The following DNER variants were observed in gnomAD, a reference collection of about 807,000 sequenced individuals.
The protein encoded by DNER is delta and Notch-like epidermal growth factor-related receptor.
DNER carries 33 observed loss-of-function variants against 78.2 expected under a neutral mutation model. The ratio of observed to expected loss-of-function variants is 0.42; its 90% CI spans 0.32 to 0.56. DNER has a LOEUF of 0.56. Among genes scored for constraint, DNER ranks in the 20% least tolerant of loss-of-function variants. The probability of loss-of-function intolerance (pLI) is 0.11; values close to 1 mark genes in which losing one functional copy is unlikely to be tolerated. For synonymous variants in DNER, 417 were observed against 384.8 expected, an observed-to-expected ratio of 1.08 and a Z score of -0.98; for missense variants, 918 against 975.3, an observed-to-expected ratio of 0.94 and a Z score of 0.78.
chr2:229,609,304 C>T (rs1005322943), intron 1 of DNER, among the ~76,000 whole-genome samples: 1 of 152,168 alleles, frequency 6.6e-6, no homozygotes, highest in Admixed American at 6.6e-5. Context: ...CAGGGGCTGG[C>T]AAATTCTGAC....
rs1042533975 is a variant in DNER, at chr2:229,399,991, T to G, written c.1723+7241A>C. On this transcript the variant is annotated intron_variant, in intron 10 of 12. Coordinates refer to ENST00000341772, the MANE Select transcript of DNER (RefSeq NM_139072.4). ...AATGGGTAGGATTGATAAGACTAAA[T>G]GCAAAATAAGTGGTACATAAACACA... Among the ~76,000 whole-genome samples the G allele has an allele frequency of 6.6e-5, 10 of 152,034 alleles. No individual in the cohort carries two copies. In the South Asian group the frequency reaches 1.5e-3, roughly 22 times the overall value.
intron 1 of DNER, among the ~76,000 whole-genome samples, chr2:229,652,332 G>A (rs139049055): frequency 4.4e-4 from 67 of 152,260 alleles, no homozygotes; most frequent in Middle Eastern, 3.4e-3. Context: ...ATCCCCACCT[G>A]ACAGATTTAT....
At chr2:229,440,276 G>A (rs1391402277) in intron 8 of DNER, among the ~76,000 whole-genome samples, 1 of 152,146 alleles carries the variant, frequency 6.6e-6, no homozygotes, top group East Asian at 1.9e-4. Flanking sequence ...GATGAAGATG[G>A]AGAATGGCTG....
rs80198153 is a variant in DNER at position 229,567,117 on chromosome 2, A to T, written c.847+18741T>A. Among the ~76,000 whole-genome samples the T allele has an allele frequency of 9.2e-5, 14 of 152,372 alleles. No homozygotes were observed. The East Asian group carries it at 2.7e-3, about 29-fold the overall frequency. On this transcript the variant is annotated intron_variant, in intron 4 of 12. Transcript: ENST00000341772. ...CACAAGCAGTTCCAACCTTCTGCCT[A>T]CAAGGGGTTTTCCCCATTGCCTAGT...
chr2:229,548,891 G>T (rs28615095), intron 4 of DNER, among the ~76,000 whole-genome samples: 102 of 152,142 alleles, frequency 6.7e-4, no homozygotes, highest in African/African-American at 2.2e-3. Flanking sequence ...AACTTTACCC[G>T]ATTTTAAATT....
intron 1 of DNER, among the ~76,000 whole-genome samples, chr2:229,605,093 G>A (rs56823895): frequency 0.016 from 2,429 of 152,030 alleles, 67 homozygotes; most frequent in African/African-American, 0.056. Context: ...GAGGACCTTC[G>A]TAGTTATGAA....
chr2:229,561,638 T>C (rs1466352630), intron 4 of DNER, among the ~76,000 whole-genome samples: 4 of 152,208 alleles, frequency 2.6e-5, no homozygotes, highest in Non-Finnish European at 5.9e-5. Context: ...TAAAGTGTTA[T>C]TAGCCACCGT....
intron 1 of DNER, among the ~76,000 whole-genome samples, chr2:229,629,518 A>T (rs556604337): frequency 6.6e-6 from 1 of 152,300 alleles, no homozygotes; most frequent in Admixed American, 6.5e-5. Context: ...TAGCAACTCC[A>T]GGGTGCCAGT....
intron 10 of DNER, among the ~76,000 whole-genome samples, chr2:229,403,762 G>A (rs1458519912): frequency 6.6e-6 from 1 of 151,968 alleles, no homozygotes; most frequent in Non-Finnish European, 1.5e-5. Context: ...AGGGGTAAAG[G>A]GATGAGCAGA....
At chr2:229,599,136 G>A (rs758153845) in intron 1 of DNER, among the ~76,000 whole-genome samples, 1 of 152,090 alleles carries the variant, frequency 6.6e-6, no homozygotes, top group African/African-American at 2.4e-5. Context: ...CCAGCACGAC[G>A]CTGGCCACAG....
chr2:229,588,326 G>A, intron 3 of DNER, 68 bp downstream of exon 3: 1 of 1,468,966 alleles, frequency 6.8e-7, no homozygotes. Flanking sequence ...CAGGTCCGCG[G>A]ATGGACACAA....
chr2:229,378,624 CT>C (rs1217720848), intron 11 of DNER, among the ~76,000 whole-genome samples: 1 of 152,214 alleles, frequency 6.6e-6, no homozygotes, highest in Non-Finnish European at 1.5e-5. Flanking sequence ...CCATGGTTCT[CT>C]GTGTACATCT....
intron 11 of DNER, among the ~76,000 whole-genome samples, chr2:229,385,726 C>T (rs556510471): frequency 3.3e-5 from 5 of 151,788 alleles, no homozygotes; most frequent in East Asian, 3.9e-4. Context: ...TTCACAATTG[C>T]GACAGAGAAT....
Position 229,714,515 on chromosome 2 carries a change from C to G in DNER, c.-92G>C. ...ACGAGAGCTGCGAGAGCGACGGTGG[C>G]GGCTAGGGCTGCTCCGCCGGGCCGG... On this transcript the variant is annotated 5_prime_UTR_variant, in exon 1 of 13. Transcript: ENST00000341772. 2.9e-6 allele frequency: 3 copies of G among 1,052,410 alleles called. No individual in the cohort carries two copies. The South Asian group carries it at 1.3e-4, about 46-fold the overall frequency. 65.2% of individuals were successfully genotyped at this position (1,052,410 alleles called of 1,614,324 possible).
At chr2:229,432,016 T>C (rs2106355523) in intron 8 of DNER, among the ~76,000 whole-genome samples, 1 of 152,344 alleles carries the variant, frequency 6.6e-6, no homozygotes, top group African/African-American at 2.4e-5. Context: ...CCTATTTTTC[T>C]TACTTTTTAT....
At chr2:229,429,052 T>G (rs1250800832) in intron 8 of DNER, among the ~76,000 whole-genome samples, 1 of 152,172 alleles carries the variant, frequency 6.6e-6, no homozygotes, top group Non-Finnish European at 1.5e-5. Flanking sequence ...TGTGGGCCCC[T>G]GCAGAGTGAT....
intron 8 of DNER, among the ~76,000 whole-genome samples, chr2:229,441,642 C>A (rs1408466718): frequency 6.6e-6 from 1 of 152,208 alleles, no homozygotes; most frequent in African/African-American, 2.4e-5. Context: ...ACATATGTGA[C>A]ACTAAGAACT....
At chr2:229,670,752 A>G (rs1699192749) in intron 1 of DNER, among the ~76,000 whole-genome samples, 1 of 152,226 alleles carries the variant, frequency 6.6e-6, no homozygotes, top group Non-Finnish European at 1.5e-5. Context: ...CACTCCGTCC[A>G]TAGAGTAGCC....
intron 7 of DNER, among the ~76,000 whole-genome samples, chr2:229,448,882 C>T (rs1180335168): frequency 1.3e-5 from 2 of 152,094 alleles, no homozygotes; most frequent in African/African-American, 4.8e-5. Context: ...TTTCTATTTA[C>T]TCATCTTCTT....
Sources: allele counts gnomAD v4.1 joint callset (sites outside exome capture counted in the v4.1 genomes callset), GRCh38; gene constraint gnomAD v4.1.1; transcripts MANE v1.5; gene names NCBI Gene and HGNC (gene_info 2026-07-23, HGNC 2026-07-21).